Variants in HAUS6 observed in about 807,000 individuals in gnomAD.
HAUS6 encodes the protein HAUS augmin-like complex subunit 6.
A neutral mutation model predicts 106.8 loss-of-function variants in HAUS6; 80 were observed. That is an observed-to-expected ratio of 0.75 (90% CI 0.63 to 0.90). The LOEUF is 0.90. HAUS6 is among the 40% of genes least tolerant of loss of function. The pLI, the probability that HAUS6 is intolerant of heterozygous loss-of-function variation, is 0.00. For synonymous variants in HAUS6, 356 were observed against 379.1 expected (o/e 0.94, Z 0.71); for missense variants, 1,155 against 1,118.1 (o/e 1.03, Z -0.47).
At chr9:19,062,885 C>T (rs140499780) in intron 14 of HAUS6, 123 bp downstream of exon 14, 5 of 751,930 alleles carry the variant, frequency 6.6e-6, no homozygotes, top group Admixed American at 2.6e-5. Flanking sequence ...ATGCTGGTCT[C>T]GAACTTCTGG....
chr9:19,055,071 A>G lies in HAUS6; in HGVS notation c.*1272T>C, dbSNP rs184940855. ...TGCTTTCTTTTGTCTTTTCTCACAA[A>G]AAGATGGGTCTTCACACTGGGACAG... On this transcript the variant is annotated 3_prime_UTR_variant, in exon 17 of 17. Transcript: ENST00000380502. 6.6e-6 allele frequency: 1 copy of G among 152,324 alleles called. No homozygotes were observed. The highest frequency in any genetic ancestry group is 1.9e-4 in the East Asian group (1 of 5,178). The allele number at this position is 152,324 out of a possible 1,614,324, so 9.4% of individuals were successfully genotyped here.
At chr9:19,089,877 G>A (rs117331067) in intron 4 of HAUS6, among the ~76,000 whole-genome samples, 5,288 of 152,210 alleles carry the variant, frequency 0.035, 115 homozygotes, top group Non-Finnish European at 0.051. Context: ...CTATTGCCCA[G>A]GCTGGAGTGC....
chr9:19,089,753 T>C (rs1817705435), intron 4 of HAUS6, 194 bp from the exon 5 acceptor site: 2 of 532,054 alleles, frequency 3.8e-6, no homozygotes, highest in Non-Finnish European at 6.6e-6. Flanking sequence ...TATTAAGAAA[T>C]TAAATTAACA....
chr9:19,075,704 A>G (rs558230349), intron 11 of HAUS6, among the ~76,000 whole-genome samples: 1 of 152,346 alleles, frequency 6.6e-6, no homozygotes, highest in South Asian at 2.1e-4. Context: ...CTATAATCCC[A>G]GCACTTTGGG....
chr9:19,061,219 A>G (rs1224804722), intron 14 of HAUS6, among the ~76,000 whole-genome samples: 1 of 152,170 alleles, frequency 6.6e-6, no homozygotes, highest in Non-Finnish European at 1.5e-5. Flanking sequence ...CCCATGGAAA[A>G]AAAGGGCTTC....
intron 14 of HAUS6, among the ~76,000 whole-genome samples, chr9:19,061,242 A>G (rs907136226): frequency 6.6e-6 from 1 of 152,190 alleles, no homozygotes; most frequent in African/African-American, 2.4e-5. Context: ...CCTCAAGAAA[A>G]CAGAGTGCTT....
chr9:19,088,289 A>C (rs1306384046), intron 5 of HAUS6, among the ~76,000 whole-genome samples: 1 of 151,848 alleles, frequency 6.6e-6, no homozygotes, highest in Non-Finnish European at 1.5e-5. Flanking sequence ...GGTAGCATGC[A>C]CCTGTAATCC....
intron 2 of HAUS6, 33 bp downstream of exon 2, chr9:19,096,641 G>C (rs1192270368): frequency 3.6e-6 from 3 of 838,720 alleles, no homozygotes; most frequent in Non-Finnish European, 5.6e-6. Context: ...AATTTGGAAA[G>C]AAATTTAAGA....
At chr9:19,092,301 AAAC>A (rs1482166715) in intron 4 of HAUS6, among the ~76,000 whole-genome samples, 4 of 150,892 alleles carry the variant, frequency 2.7e-5, no homozygotes, top group East Asian at 2.0e-4. Context: ...TAAAAAAAAA[AAAC>A]AACAACAAAA....
chr9:19,102,832 G>A lies in HAUS6; in HGVS notation c.-181C>T. 2 of 578,298 alleles carry A rather than the reference G, an allele frequency of 3.5e-6. No individual in the cohort carries two copies. The highest frequency in any genetic ancestry group is 4.5e-5 in the South Asian group (2 of 44,730). 35.8% of individuals were successfully genotyped at this position (578,298 alleles called of 1,614,324 possible). ...AGGGCCTCACAACCTCCGGGAAATT[G>A]AGTTTCTAACGGTATAGTGCGGCCA... is the stretch of plus-strand genomic sequence containing the variant. On this transcript the variant is annotated 5_prime_UTR_variant, in exon 1 of 17. Transcript: ENST00000380502.
intron 10 of HAUS6, among the ~76,000 whole-genome samples, chr9:19,077,516 T>C (rs140051888): frequency 2.5e-3 from 373 of 151,892 alleles, no homozygotes; most frequent in African/African-American, 7.7e-3. Context: ...GCCTGGGCAA[T>C]AGAGCAAGAC....
chr9:19,070,362 T>C lies in HAUS6; in HGVS notation c.1295-62A>G. 5 of 904,300 alleles carry C rather than the reference T, an allele frequency of 5.5e-6. No individual in the cohort carries two copies. The East Asian group carries it at 1.3e-4, about 23-fold the overall frequency. 56.0% of individuals were successfully genotyped at this position (904,300 alleles called of 1,614,324 possible). ...GTTTGTACATTCTAACATTCAAGGA[T>C]TCCTTGAAATTCGAGAACAACTTGT... On this transcript the variant is annotated intron_variant, in intron 11 of 16. Coordinates refer to ENST00000380502, the MANE Select transcript of HAUS6 (RefSeq NM_017645.5).
chr9:19,071,740 AT>A, intron 11 of HAUS6, among the ~76,000 whole-genome samples: 1 of 151,900 alleles, frequency 6.6e-6, no homozygotes, highest in Middle Eastern at 3.4e-3. Flanking sequence ...TGCCCAGCTA[AT>A]TTTTTGTGTT....
At chr9:19,085,449 C>T (rs1837266815) in intron 7 of HAUS6, among the ~76,000 whole-genome samples, 1 of 152,052 alleles carries the variant, frequency 6.6e-6, no homozygotes, top group Non-Finnish European at 1.5e-5. Flanking sequence ...CTACGAGATA[C>T]CTAGCACATA....
chr9:19,078,145 G>C, intron 10 of HAUS6, 31 bp downstream of exon 10: 3 of 1,562,596 alleles, frequency 1.9e-6, no homozygotes, highest in Non-Finnish European at 2.6e-6. Context: ...GTGGGTGGCG[G>C]GGAGGGCAGG....
At chr9:19,095,504 C>CAA (rs35289506) in intron 2 of HAUS6, among the ~76,000 whole-genome samples, 2,346 of 136,520 alleles carry the variant, frequency 0.017, 22 homozygotes, top group African/African-American at 0.036. Flanking sequence ...TGATAATCAG[C>CAA]AAAAAAAAAA....
chr9:19,084,904 G>T (rs1837253124), intron 7 of HAUS6, among the ~76,000 whole-genome samples: 1 of 151,680 alleles, frequency 6.6e-6, no homozygotes, highest in African/African-American at 2.4e-5. Context: ...AGTGCTCACA[G>T]GCGTGAGCCA....
intron 1 of HAUS6, among the ~76,000 whole-genome samples, chr9:19,101,125 AGAT>A (rs1817978260): frequency 6.6e-6 from 1 of 152,260 alleles, no homozygotes; most frequent in African/African-American, 2.4e-5. Context: ...TAAATGTTTG[AGAT>A]GATGGCTATC....
chr9:19,101,282 T>G (rs1057408203), intron 1 of HAUS6, among the ~76,000 whole-genome samples: 5 of 148,908 alleles, frequency 3.4e-5, no homozygotes, highest in African/African-American at 1.2e-4. Flanking sequence ...GCACTTGGAG[T>G]GGCCAAGGCG....
Sources: allele counts gnomAD v4.1 joint callset (sites outside exome capture counted in the v4.1 genomes callset), GRCh38; gene constraint gnomAD v4.1.1; transcripts MANE v1.5; gene names NCBI Gene and HGNC (gene_info 2026-07-23, HGNC 2026-07-21).